The following FOXJ3 variants were observed in gnomAD, a reference collection of about 807,000 sequenced individuals.
FOXJ3 encodes the protein forkhead box J3.
Under a neutral mutation model 76.1 loss-of-function variants are expected in FOXJ3, and 22 were observed. The ratio of observed to expected loss-of-function variants is 0.29; its 90% CI spans 0.21 to 0.41. The LOEUF is 0.41. Ranked by LOEUF, FOXJ3 falls within the 10% of genes least tolerant of loss-of-function variation. The pLI is 1.00. For missense variants in FOXJ3, 613 were observed against 762.1 expected, an observed-to-expected ratio of 0.80 and a Z score of 2.30; for synonymous variants, 269 against 261.2, an observed-to-expected ratio of 1.03 and a Z score of -0.29.
At chr1:42,329,262 T>C (rs968663958) in intron 1 of FOXJ3, among the ~76,000 whole-genome samples, 1 of 152,238 alleles carries the variant, frequency 6.6e-6, no homozygotes, top group African/African-American at 2.4e-5. Context: ...ACAGTAATAA[T>C]GCTCTGCTGA....
At chr1:42,322,103 T>C (rs1420388324) in intron 1 of FOXJ3, among the ~76,000 whole-genome samples, 2 of 152,032 alleles carry the variant, frequency 1.3e-5, no homozygotes, top group Non-Finnish European at 2.9e-5. Flanking sequence ...GGAACAGAAT[T>C]TGGTACAGAT....
chr1:42,188,586 TA>T (rs1646482672), intron 11 of FOXJ3, 150 bp downstream of exon 11: 1 of 456,580 alleles, frequency 2.2e-6, no homozygotes, highest in Non-Finnish European at 3.8e-6. Context: ...ACCCTACATA[TA>T]AATTATTTGC....
At chr1:42,300,958 A>C (rs1654104415) in intron 2 of FOXJ3, among the ~76,000 whole-genome samples, 2 of 151,998 alleles carry the variant, frequency 1.3e-5, no homozygotes, top group Admixed American at 1.3e-4. Flanking sequence ...TTTTTCCTTC[A>C]CACTGACTTT....
At chr1:42,215,992 G>A (rs900510002) in intron 5 of FOXJ3, among the ~76,000 whole-genome samples, 1 of 151,662 alleles carries the variant, frequency 6.6e-6, no homozygotes, top group Non-Finnish European at 1.5e-5. Context: ...ATCTCTAAGG[G>A]GGAAAAAATT....
chr1:42,251,560 T>C (rs1570050316), intron 4 of FOXJ3, among the ~76,000 whole-genome samples: 1 of 152,272 alleles, frequency 6.6e-6, no homozygotes, highest in South Asian at 2.1e-4. Context: ...GAGATAATCA[T>C]GTGGTTTTTG....
intron 4 of FOXJ3, among the ~76,000 whole-genome samples, chr1:42,257,231 C>A (rs1170669830): frequency 1.3e-5 from 2 of 152,260 alleles, no homozygotes; most frequent in East Asian, 1.9e-4. Flanking sequence ...AGAAAGATCA[C>A]AAGAATTCTA....
chr1:42,191,603 T>C lies in FOXJ3; in HGVS notation c.1051A>G (p.Asn351Asp), dbSNP rs2124199437. ...GTGTTGAGGCCACTGCCATGACTGT[T>C]GGACAGGCTGCTTTGGTTGCTGTGT... ...HPHSNQSSLS[N>D]SHGSGLNTTG... The change falls in exon 9 of 13, where the codon AAC (asparagine) becomes GAC (aspartate). Residue 351 changes from asparagine to aspartate, a missense_variant. Physicochemically the swap from Asn to Asp is conservative, Grantham distance 23. Around this residue, in one of 3 missense-constraint regions of FOXJ3, gnomAD observed 526 missense variants for 601.4 expected, o/e 0.87. Transcript: ENST00000361346. 6.2e-7 allele frequency: 1 copy of C among 1,614,202 alleles called. No homozygotes were observed. Among genetic ancestry groups the C allele is most frequent in the African/African-American group, 1.3e-5 (1 of 75,046 alleles).
chr1:42,226,163 G>T (rs1485076665), intron 5 of FOXJ3, among the ~76,000 whole-genome samples: 1 of 151,496 alleles, frequency 6.6e-6, no homozygotes, highest in African/African-American at 2.4e-5. Flanking sequence ...TTCATATAAT[G>T]TCCATGCATT....
chr1:42,301,287 C>T (rs1654128461), intron 2 of FOXJ3, among the ~76,000 whole-genome samples: 1 of 152,128 alleles, frequency 6.6e-6, no homozygotes, highest in African/African-American at 2.4e-5. Flanking sequence ...CCTCCACCTC[C>T]TGGAATCAAG....
intron 1 of FOXJ3, among the ~76,000 whole-genome samples, chr1:42,317,134 T>C (rs1490688371): frequency 2.0e-5 from 3 of 152,190 alleles, no homozygotes; most frequent in African/African-American, 7.2e-5. Context: ...CAGCCATATC[T>C]TTCCAAAAGA....
At chr1:42,207,678 C>G (rs1169325358) in intron 5 of FOXJ3, among the ~76,000 whole-genome samples, 1 of 152,176 alleles carries the variant, frequency 6.6e-6, no homozygotes, top group African/African-American at 2.4e-5. Context: ...AGCAATTTCA[C>G]CAAGACACAT....
At chr1:42,258,654 T>A (rs1199728484) in intron 4 of FOXJ3, among the ~76,000 whole-genome samples, 1 of 152,182 alleles carries the variant, frequency 6.6e-6, no homozygotes, top group African/African-American at 2.4e-5. Context: ...TGTTAAGAAA[T>A]TTACTCTTAA....
At chr1:42,239,435 T>A (rs920856397) in intron 4 of FOXJ3, among the ~76,000 whole-genome samples, 12 of 152,204 alleles carry the variant, frequency 7.9e-5, no homozygotes, top group African/African-American at 2.7e-4. Context: ...AGTGTTAACC[T>A]TGGTCAAATA....
chr1:42,262,119 G>C (rs1017345739), intron 4 of FOXJ3, among the ~76,000 whole-genome samples: 5 of 152,166 alleles, frequency 3.3e-5, no homozygotes, highest in African/African-American at 9.7e-5. Flanking sequence ...GCTGCTGAAA[G>C]ACATACTTGC....
At chr1:42,291,378 CAACT>C (rs1416099744) in intron 2 of FOXJ3, among the ~76,000 whole-genome samples, 4 of 152,148 alleles carry the variant, frequency 2.6e-5, no homozygotes. Context: ...GTTCATAAAA[CAACT>C]AATAAACTGG....
intron 2 of FOXJ3, among the ~76,000 whole-genome samples, chr1:42,301,990 G>A (rs779437383): frequency 6.6e-6 from 1 of 152,024 alleles, no homozygotes; most frequent in South Asian, 2.1e-4. Flanking sequence ...CCCTTCAGAA[G>A]GTGTCTATAA....
intron 4 of FOXJ3, among the ~76,000 whole-genome samples, chr1:42,251,554 T>A (rs1228916459): frequency 2.6e-5 from 4 of 152,130 alleles, no homozygotes; most frequent in African/African-American, 9.7e-5. Flanking sequence ...TCTATTGAGA[T>A]AATCATGTGG....
chr1:42,239,351 T>C (rs75508328), intron 4 of FOXJ3, among the ~76,000 whole-genome samples: 5,617 of 152,328 alleles, frequency 0.037, 128 homozygotes, highest in Middle Eastern at 0.092. Context: ...GAGTATAATA[T>C]AAACTGTAGA....
At chr1:42,220,536 G>C (rs774684157) in intron 5 of FOXJ3, among the ~76,000 whole-genome samples, 1 of 152,038 alleles carries the variant, frequency 6.6e-6, no homozygotes. Flanking sequence ...CTTTCTCCTC[G>C]AGGGCTTTTT....
Sources: gnomAD v4.1 joint callset for allele counts (sites outside exome capture counted in the v4.1 genomes callset) on GRCh38, gnomAD v4.1.1 for gene constraint, gnomAD v4.1.1 regional missense constraint, MANE v1.5 for transcripts, NCBI Gene and HGNC (gene_info 2026-07-23, HGNC 2026-07-21) for gene names.